Variants in TOGARAM1 observed in about 807,000 individuals in gnomAD.
The protein encoded by TOGARAM1 is TOG array regulator of axonemal microtubules 1.
Under a neutral mutation model 166.6 loss-of-function variants are expected in TOGARAM1, and 100 were observed. That is an observed-to-expected ratio of 0.60 (90% CI 0.51 to 0.71). TOGARAM1 has a LOEUF of 0.71. Ranked by LOEUF, TOGARAM1 falls within the 30% of genes least tolerant of loss-of-function variation. The pLI, the probability that TOGARAM1 is intolerant of heterozygous loss-of-function variation, is 0.00. For missense variants in TOGARAM1, 2,029 were observed against 2,102.7 expected, an observed-to-expected ratio of 0.96 and a Z score of 0.69; for synonymous variants, 758 against 763.8, an observed-to-expected ratio of 0.99 and a Z score of 0.13.
At chr14:45,020,089 GT>G (rs969868098) in intron 7 of TOGARAM1, among the ~76,000 whole-genome samples, 1 of 152,126 alleles carries the variant, frequency 6.6e-6, no homozygotes, top group Admixed American at 6.6e-5. Context: ...TAATAAGGAG[GT>G]TAAAGATACA....
At chr14:44,973,105 GT>G (rs1885979137) in intron 1 of TOGARAM1, among the ~76,000 whole-genome samples, 1 of 151,946 alleles carries the variant, frequency 6.6e-6, no homozygotes, top group African/African-American at 2.4e-5. Context: ...TACCATAATT[GT>G]TGTTTTCTAT....
At chr14:45,002,492 C>G (rs1283732976) in intron 3 of TOGARAM1, among the ~76,000 whole-genome samples, 1 of 152,164 alleles carries the variant, frequency 6.6e-6, no homozygotes, top group Non-Finnish European at 1.5e-5. Flanking sequence ...CCACTACCAT[C>G]TCAATTAATA....
At chr14:45,019,681 T>G (rs1368736854) in intron 7 of TOGARAM1, among the ~76,000 whole-genome samples, 1 of 152,204 alleles carries the variant, frequency 6.6e-6, no homozygotes, top group Admixed American at 6.5e-5. Flanking sequence ...TAGTGAGCTC[T>G]CTTTACTACC....
chr14:45,008,892 A>G, intron 5 of TOGARAM1, 21 bp from the exon 6 acceptor site: 1 of 1,567,600 alleles, frequency 6.4e-7, no homozygotes, highest in Non-Finnish European at 8.7e-7. Flanking sequence ...TATAAAGTTT[A>G]TTGTTTTCAT....
chr14:45,031,391 G>A (rs1182941421), intron 10 of TOGARAM1, among the ~76,000 whole-genome samples: 1 of 152,052 alleles, frequency 6.6e-6, no homozygotes, highest in Non-Finnish European at 1.5e-5. Context: ...CCTTACATCT[G>A]GAAAATGCTT....
Position 45,042,930 on chromosome 14 carries a change from T to C in TOGARAM1, c.3813-756T>C, listed in dbSNP as rs1294893246. 2.0e-5 allele frequency among the ~76,000 whole-genome samples: 3 copies of C among 152,174 alleles called. No homozygotes were observed. In the South Asian group the frequency reaches 6.2e-4, roughly 31 times the overall value. On this transcript the variant is annotated intron_variant, in intron 11 of 19. Coordinates refer to ENST00000361462, the MANE Select transcript of TOGARAM1 (RefSeq NM_001308120.2). Reference sequence around the variant, plus strand: ...GTACCCGGTCACTCAGGAGCTCTGATGGAGATGTACAAGGAGATTAATGTT... The same window carrying C: ...GTACCCGGTCACTCAGGAGCTCTGACGGAGATGTACAAGGAGATTAATGTT...
intron 11 of TOGARAM1, among the ~76,000 whole-genome samples, chr14:45,039,377 T>G (rs533969358): frequency 2.2e-4 from 33 of 152,106 alleles, no homozygotes; most frequent in Non-Finnish European, 4.3e-4. Flanking sequence ...TCCCACAAGC[T>G]TCAGTCTGTC....
chr14:45,071,990 C>G (rs944691992), intron 19 of TOGARAM1, among the ~76,000 whole-genome samples, 192 bp downstream of exon 19: 1 of 151,924 alleles, frequency 6.6e-6, no homozygotes, highest in African/African-American at 2.4e-5. Context: ...GAATTTTATC[C>G]TTTTTTTTCC....
At chr14:45,032,782 G>A (rs867952987) in intron 11 of TOGARAM1, among the ~76,000 whole-genome samples, 4 of 152,258 alleles carry the variant, frequency 2.6e-5, no homozygotes, top group Non-Finnish European at 5.9e-5. Flanking sequence ...AAAGACAGTG[G>A]CAATGTGCAT....
rs145632240 is a variant in TOGARAM1 at position 44,997,009 on chromosome 14, C to T, written c.2203+1107C>T. ...GTGGGGACACAAAGCCAAACTGTATCAGAGAGCAAGGTCAAAAACAGGAAG... is the reference window on the plus strand; with the variant it reads ...GTGGGGACACAAAGCCAAACTGTATTAGAGAGCAAGGTCAAAAACAGGAAG... On this transcript the variant is annotated intron_variant, in intron 2 of 19. Transcript: ENST00000361462. The T allele has an allele frequency of 8.9e-3, 1,350 of 152,356 alleles. 8 individuals carry two copies. The highest frequency in any genetic ancestry group is 0.014 in the Non-Finnish European group (947 of 68,068). 9.4% of individuals were successfully genotyped at this position (152,356 alleles called of 1,614,324 possible). A position where few individuals can be genotyped will look rare whatever the true frequency, so the allele number is the denominator to read the frequency against.
chr14:45,039,737 T>C (rs1881628941), intron 11 of TOGARAM1, among the ~76,000 whole-genome samples: 1 of 152,040 alleles, frequency 6.6e-6, no homozygotes, highest in East Asian at 1.9e-4. Context: ...GGCAGGGGGG[T>C]TTCCAGGGCC....
intron 1 of TOGARAM1, among the ~76,000 whole-genome samples, chr14:44,993,687 T>C (rs1280534693): frequency 1.3e-5 from 2 of 152,246 alleles, no homozygotes; most frequent in Middle Eastern, 3.2e-3. Context: ...TTAATTGGTA[T>C]GTCCTATAGT....
intron 7 of TOGARAM1, among the ~76,000 whole-genome samples, chr14:45,012,294 A>G (rs1202532404): frequency 6.6e-6 from 1 of 152,158 alleles, no homozygotes; most frequent in Non-Finnish European, 1.5e-5. Context: ...TTAAAGCTCA[A>G]TTGGCATACC....
At chr14:45,009,201 G>A in intron 6 of TOGARAM1, 56 bp downstream of exon 6, 1 of 1,250,082 alleles carries the variant, frequency 8.0e-7, no homozygotes. Context: ...GTGATTTAGA[G>A]CCCTAATATC....
At chr14:44,977,157 A>T (rs7147644) in intron 1 of TOGARAM1, among the ~76,000 whole-genome samples, 7,303 of 151,822 alleles carry the variant, frequency 0.048, 237 homozygotes, top group East Asian at 0.13. Flanking sequence ...CTTTATATAT[A>T]TGATTGATTG....
intron 7 of TOGARAM1, among the ~76,000 whole-genome samples, chr14:45,023,511 A>T (rs1427968602): frequency 6.6e-6 from 1 of 152,166 alleles, no homozygotes; most frequent in Non-Finnish European, 1.5e-5. Flanking sequence ...AGATACTAAG[A>T]CTGCTACTGC....
chr14:45,004,250 A>G lies in TOGARAM1; in HGVS notation c.2528A>G (p.Asn843Ser). Residue 843 changes from asparagine (N) to serine (S), a missense_variant, in exon 4 of 20, where the codon AAT (asparagine) becomes AGT (serine). Transcript: ENST00000361462. ...LIISPKKSQD[N>S]SVNFSNSWPL... ...ATATCTCCAAAGAAGTCTCAAGATA[A>G]TTCTGTTAATTTCTCAAATTCCTGG... 2 of 1,614,000 alleles carry G rather than the reference A, an allele frequency of 1.2e-6. No homozygotes were observed. Among genetic ancestry groups the G allele is most frequent in the Non-Finnish European group, 1.7e-6 (2 of 1,179,892 alleles).
At chr14:45,011,901 T>C (rs1008338208) in intron 6 of TOGARAM1, 74 bp from the exon 7 acceptor site, 2 of 1,020,562 alleles carry the variant, frequency 2.0e-6, no homozygotes, top group Non-Finnish European at 2.9e-6. Flanking sequence ...ATAAGGAGAA[T>C]AGACAATATG....
intron 11 of TOGARAM1, among the ~76,000 whole-genome samples, chr14:45,037,282 G>A (rs1840339747): frequency 6.6e-6 from 1 of 152,218 alleles, no homozygotes; most frequent in African/African-American, 2.4e-5. Flanking sequence ...TTTAAGGGAG[G>A]TAAAGCCTCC....
Sources: allele counts gnomAD v4.1 joint callset (sites outside exome capture counted in the v4.1 genomes callset), GRCh38; gene constraint gnomAD v4.1.1; transcripts MANE v1.5; gene names NCBI Gene and HGNC (gene_info 2026-07-23, HGNC 2026-07-21).